Variants in GNE observed in about 807,000 individuals in gnomAD.
GNE encodes the protein glucosamine (UDP-N-acetyl)-2-epimerase/N-acetylmannosamine kinase, also known as bifunctional UDP-N-acetylglucosamine 2-epimerase/N-acetylmannosamine kinase.
In GNE, 41 loss-of-function variants were observed where a neutral mutation model predicts 61.8. The observed-to-expected ratio is 0.66, with a 90% CI of 0.52 to 0.86. The LOEUF (loss-of-function observed/expected upper bound fraction) is 0.86. Among genes scored for constraint, GNE ranks in the 40% least tolerant of loss-of-function variants. The pLI is 0.00. For missense variants in GNE, 608 were observed against 909.1 expected (o/e 0.67, Z 4.26); for synonymous variants, 264 against 326.4 (o/e 0.81, Z 2.06).
At chr9:36,248,846 AC>A (rs753623962) in intron 2 of GNE, among the ~76,000 whole-genome samples, 6 of 152,194 alleles carry the variant, frequency 3.9e-5, no homozygotes, top group Admixed American at 6.6e-5. Context: ...ACATTATTAT[AC>A]TCATACAATA....
At chr9:36,260,635 C>A (rs917794594), upstream of GNE, among the ~76,000 whole-genome samples, 1 of 151,550 alleles carries the variant, frequency 6.6e-6, no homozygotes, top group East Asian at 1.9e-4. Flanking sequence ...TTTGGGAGGC[C>A]GAGGCGGGCG....
At chr9:36,274,565 G>T (rs987636716) in intron 1 of GNE, among the ~76,000 whole-genome samples, 1 of 152,024 alleles carries the variant, frequency 6.6e-6, no homozygotes, top group Non-Finnish European at 1.5e-5. Flanking sequence ...TCCTGGGCTT[G>T]CAAGACACCT....
chr9:36,246,363 A>G lies in GNE; in HGVS notation c.284T>C (p.Leu95Pro). The change falls in exon 3 of 12, where the codon CTG becomes CCG. Residue 95 changes from leucine (L) to proline (P), a missense_variant. Coordinates refer to ENST00000642385, the MANE Select transcript of GNE (RefSeq NM_005476.7). Reference sequence around the variant, plus strand: ...CTTCAGGCGATTAAGGACATCTGGCAGCTTCACTAGGGCCAGGCCTACTGA... The same window carrying G: ...CTTCAGGCGATTAAGGACATCTGGCGGCTTCACTAGGGCCAGGCCTACTGA... ...VESVGLALVK[L>P]PDVLNRLKPD... The G allele has an allele frequency of 6.2e-7, 1 of 1,613,956 alleles. No individual in the cohort carries two copies. Among genetic ancestry groups the G allele is most frequent in the East Asian group, 2.2e-5 (1 of 44,882 alleles).
At chr9:36,261,532 G>A (rs567988195), upstream of GNE, among the ~76,000 whole-genome samples, 427 of 125,664 alleles carry the variant, frequency 3.4e-3, no homozygotes, top group Middle Eastern at 0.025. Flanking sequence ...CAGCCTGGGC[G>A]ACAGAGTGAG....
At chr9:36,221,388 G>A (rs1292813420) in intron 9 of GNE, among the ~76,000 whole-genome samples, 1 of 152,160 alleles carries the variant, frequency 6.6e-6, no homozygotes, top group Non-Finnish European at 1.5e-5. Context: ...TACAAGTTTT[G>A]AAGTTAGACA....
At position 36,256,170 on chromosome 9, in the gene GNE, G is replaced by T. The variant is rs572233026; in HGVS notation, c.-43+2151C>A. Among the ~76,000 whole-genome samples the T allele has an allele frequency of 9.4e-5, 14 of 149,576 alleles. No homozygotes were observed. The East Asian group carries it at 2.4e-3, about 25-fold the overall frequency. ...TCGATCTCCTGACCTCAGGTGATCC[G>T]CCGCCTGGCCTCCCAAAGTGCTTGG... On this transcript the variant is annotated intron_variant, in intron 1 of 11. Transcript: ENST00000642385.
intron 1 of GNE, among the ~76,000 whole-genome samples, chr9:36,274,779 G>T (rs948250444): frequency 1.1e-4 from 17 of 150,158 alleles, no homozygotes; most frequent in Non-Finnish European, 2.4e-4. Context: ...CTGGAGTGCC[G>T]TGGCGCGATC....
intron 1 of GNE, among the ~76,000 whole-genome samples, chr9:36,276,717 A>G (rs1031416742): frequency 6.6e-6 from 1 of 152,232 alleles, no homozygotes; most frequent in African/African-American, 2.4e-5. Flanking sequence ...CTGAGAAGCA[A>G]GTAGCAGCCA....
intron 5 of GNE, among the ~76,000 whole-genome samples, chr9:36,230,605 T>C (rs569107098): frequency 3.9e-5 from 6 of 152,008 alleles, no homozygotes. Context: ...CACAGGCGCA[T>C]GCTACCAGGT....
intron 7 of GNE, among the ~76,000 whole-genome samples, chr9:36,226,372 C>G (rs1199879927): frequency 7.0e-6 from 1 of 143,430 alleles, no homozygotes; most frequent in Non-Finnish European, 1.5e-5. Flanking sequence ...TTAGTAGAAA[C>G]AGGGTTTCAC....
intron 1 of GNE, chr9:36,265,461 ATC>A: frequency 2.2e-6 from 1 of 456,710 alleles, no homozygotes; most frequent in Non-Finnish European, 4.4e-6. Context: ...TGTATGTGCC[ATC>A]TCTGCCCTAA....
intron 10 of GNE, 143 bp downstream of exon 10, chr9:36,219,695 T>C (rs2133004969): frequency 2.7e-6 from 2 of 741,550 alleles, no homozygotes; most frequent in African/African-American, 1.7e-5. Flanking sequence ...TGTGCAGTTT[T>C]AGTGCGAGGG....
upstream of GNE, chr9:36,263,338 T>TG: frequency 1.4e-5 from 3 of 216,758 alleles, no homozygotes; most frequent in East Asian, 1.7e-4. Context: ...GCCCGGCTAA[T>TG]TTTTGTATTT....
rs1828386044 is a variant in GNE at position 36,217,567 on chromosome 9, A to G, written c.1967T>C (p.Ile656Thr). 1 of 1,613,910 alleles carries G rather than the reference A, an allele frequency of 6.2e-7. No homozygotes were observed. Among genetic ancestry groups the G allele is most frequent in the Admixed American group, 1.7e-5 (1 of 60,008 alleles). Reference sequence around the variant, plus strand: ...AAGGGAGGGATTCATGGTATGGAGGATGTTCACAACCCCAAGACCCAAAGC... The same window carrying G: ...AAGGGAGGGATTCATGGTATGGAGGGTGTTCACAACCCCAAGACCCAAAGC... ...GTALGLGVVN[I>T]LHTMNPSLVI... is the part of the protein sequence containing the mutation. Residue 656 changes from isoleucine to threonine, a missense_variant, in exon 12 of 12, where the codon ATC (isoleucine) becomes ACC (threonine). Transcript: ENST00000642385.
intron 5 of GNE, among the ~76,000 whole-genome samples, chr9:36,232,374 C>T (rs187124882): frequency 4.9e-4 from 71 of 143,532 alleles, no homozygotes; most frequent in African/African-American, 1.4e-3. Flanking sequence ...TATTAGCAAC[C>T]GGAGTGATCT....
chr9:36,228,793 C>CCAAA (rs1829009594), intron 6 of GNE, among the ~76,000 whole-genome samples: 1 of 72,580 alleles, frequency 1.4e-5, no homozygotes, highest in African/African-American at 5.0e-5. Context: ...GAGTCCATCT[C>CCAAA]AAAAAAAAAA....
chr9:36,230,092 G>A (rs1190509674), intron 5 of GNE, among the ~76,000 whole-genome samples: 3 of 152,056 alleles, frequency 2.0e-5, no homozygotes, highest in Admixed American at 1.3e-4. Context: ...GATTGCAGGC[G>A]TGTACCACCA....
chr9:36,235,963 C>T (rs2133074848), intron 4 of GNE, among the ~76,000 whole-genome samples: 1 of 152,276 alleles, frequency 6.6e-6, no homozygotes, highest in Middle Eastern at 3.4e-3. Flanking sequence ...CATTAACTCG[C>T]CTAAGGTCTC....
rs1829867817 is a variant in GNE, at chr9:36,246,206, T to C, written c.441A>G (p.Arg147=). ...EVSGTIDDSI[R]HAITKLAHYH... ...AATGAGCCAGTTTTGTTATGGCATG[T>C]CTGATAGAGTCATCAATGGTCCCAC... Residue 147 remains arginine, a synonymous_variant, in exon 3 of 12, where the codon AGA becomes AGG. Coordinates refer to ENST00000642385, the MANE Select transcript of GNE (RefSeq NM_005476.7). The C allele has an allele frequency of 6.2e-7, 1 of 1,614,122 alleles. No homozygotes were observed. Among genetic ancestry groups the C allele is most frequent in the African/African-American group, 1.3e-5 (1 of 74,942 alleles).
Sources: gnomAD v4.1 joint callset for allele counts (sites outside exome capture counted in the v4.1 genomes callset) on GRCh38, gnomAD v4.1.1 for gene constraint, MANE v1.5 for transcripts, NCBI Gene and HGNC (gene_info 2026-07-23, HGNC 2026-07-21) for gene names.